SCFD2: variants seen among roughly 807,000 people sequenced by gnomAD.
SCFD2 encodes the protein sec1 family domain-containing protein 2.
In SCFD2, 54 loss-of-function variants were observed where a neutral mutation model predicts 58.9. The ratio of observed to expected loss-of-function variants is 0.92; its 90% CI spans 0.74 to 1.15. The LOEUF (loss-of-function observed/expected upper bound fraction) is 1.15. SCFD2 is among the 50% of genes most tolerant of loss of function. SCFD2 has a pLI of 0.00. For synonymous variants in SCFD2, 321 were observed against 335.9 expected (o/e 0.96, Z 0.49); for missense variants, 805 against 836.6 (o/e 0.96, Z 0.47).
intron 5 of SCFD2, among the ~76,000 whole-genome samples, chr4:52,959,715 T>A (rs1208465461): frequency 6.6e-6 from 1 of 152,152 alleles, no homozygotes; most frequent in Non-Finnish European, 1.5e-5. Context: ...TTCCGCTCAT[T>A]TAAGAGGAAT....
intron 5 of SCFD2, among the ~76,000 whole-genome samples, chr4:52,992,782 C>T (rs1721648633): frequency 6.6e-6 from 1 of 151,792 alleles, no homozygotes; most frequent in Admixed American, 6.6e-5. Context: ...GAAGCCCCCC[C>T]TCCGCCAGGC....
chr4:53,295,517 T>C (rs1731996570), intron 3 of SCFD2, among the ~76,000 whole-genome samples: 1 of 152,232 alleles, frequency 6.6e-6, no homozygotes. Flanking sequence ...AAGTTGCTTA[T>C]CTGCTTAAGA....
intron 5 of SCFD2, among the ~76,000 whole-genome samples, chr4:52,971,427 T>C (rs549358909): frequency 1.8e-4 from 27 of 151,826 alleles, no homozygotes; most frequent in African/African-American, 6.3e-4. Context: ...TGATGGAAAA[T>C]CAAATGAATG....
chr4:52,922,613 T>C (rs1028396698), intron 5 of SCFD2, among the ~76,000 whole-genome samples: 19 of 152,254 alleles, frequency 1.2e-4, no homozygotes, highest in African/African-American at 4.1e-4. Context: ...ACTTATCGGT[T>C]AATGGACATT....
intron 4 of SCFD2, among the ~76,000 whole-genome samples, chr4:53,173,884 C>T (rs773704232): frequency 1.3e-5 from 2 of 152,092 alleles, no homozygotes; most frequent in Non-Finnish European, 2.9e-5. Flanking sequence ...GACATACACA[C>T]ATCATACAGC....
chr4:52,998,912 G>C (rs538360928), intron 5 of SCFD2, among the ~76,000 whole-genome samples: 2 of 152,140 alleles, frequency 1.3e-5, no homozygotes, highest in Non-Finnish European at 2.9e-5. Flanking sequence ...CTGAGCTATA[G>C]GGTTGGAGAA....
chr4:52,903,261 A>G (rs2109466951), intron 7 of SCFD2, among the ~76,000 whole-genome samples: 1 of 152,338 alleles, frequency 6.6e-6, no homozygotes, highest in South Asian at 2.1e-4. Flanking sequence ...GTGCACATCA[A>G]TGCATGGTGG....
chr4:53,248,502 T>A (rs1247376797), intron 4 of SCFD2, among the ~76,000 whole-genome samples: 1 of 152,154 alleles, frequency 6.6e-6, no homozygotes, highest in Non-Finnish European at 1.5e-5. Flanking sequence ...AGCAGTAACC[T>A]CTGCAGACTT....
intron 5 of SCFD2, among the ~76,000 whole-genome samples, chr4:52,980,009 G>C (rs1307936081): frequency 6.6e-6 from 1 of 152,112 alleles, no homozygotes; most frequent in Non-Finnish European, 1.5e-5. Flanking sequence ...CAGGTCCAAG[G>C]GGGCACTGTG....
At chr4:52,999,986 T>C (rs766325537) in intron 5 of SCFD2, among the ~76,000 whole-genome samples, 1 of 152,204 alleles carries the variant, frequency 6.6e-6, no homozygotes, top group Non-Finnish European at 1.5e-5. Flanking sequence ...ACCTGTGTGT[T>C]CCACACAAGC....
At chr4:52,941,246 C>T (rs1170505453) in intron 5 of SCFD2, among the ~76,000 whole-genome samples, 4 of 152,192 alleles carry the variant, frequency 2.6e-5, no homozygotes, top group African/African-American at 9.7e-5. Flanking sequence ...AACAAGACAA[C>T]ATACATACCT....
chr4:53,031,909 C>T (rs1722624954), intron 5 of SCFD2, among the ~76,000 whole-genome samples: 1 of 152,086 alleles, frequency 6.6e-6, no homozygotes, highest in South Asian at 2.1e-4. Flanking sequence ...GCAAGACAGG[C>T]CAACATTCAA....
At chr4:53,082,015 G>A (rs934336339) in intron 5 of SCFD2, among the ~76,000 whole-genome samples, 4 of 152,198 alleles carry the variant, frequency 2.6e-5, no homozygotes, top group South Asian at 2.1e-4. Flanking sequence ...GTTCATCCAT[G>A]TTGTAGCATG....
intron 4 of SCFD2, among the ~76,000 whole-genome samples, chr4:53,232,280 T>C (rs1381005931): frequency 6.6e-6 from 1 of 152,180 alleles, no homozygotes. Context: ...AGGAATCTTT[T>C]GTATTCTCTA....
intron 4 of SCFD2, among the ~76,000 whole-genome samples, chr4:53,155,383 C>T (rs1962074): frequency 0.018 from 2,789 of 152,262 alleles, 92 homozygotes; most frequent in African/African-American, 0.064. Context: ...ACCTTTCCAC[C>T]TTTCTGTAAG....
At chr4:52,926,124 T>C (rs1292551202) in intron 5 of SCFD2, among the ~76,000 whole-genome samples, 1 of 152,028 alleles carries the variant, frequency 6.6e-6, no homozygotes, top group Non-Finnish European at 1.5e-5. Context: ...CAGAACAGCT[T>C]AATGATCCTT....
intron 5 of SCFD2, among the ~76,000 whole-genome samples, chr4:52,934,600 C>T (rs1459061576): frequency 6.6e-6 from 1 of 152,142 alleles, no homozygotes; most frequent in Non-Finnish European, 1.5e-5. Context: ...AAATGCACCT[C>T]CAGGGCCTTC....
intron 4 of SCFD2, among the ~76,000 whole-genome samples, chr4:53,220,544 GA>G (rs1174700704): frequency 6.6e-6 from 1 of 152,148 alleles, no homozygotes; most frequent in African/African-American, 2.4e-5. Context: ...TAAATGCAAA[GA>G]ATATTCTCAT....
chr4:53,181,590 G>A (rs1000208449), intron 4 of SCFD2, among the ~76,000 whole-genome samples: 3 of 152,000 alleles, frequency 2.0e-5, no homozygotes, highest in Non-Finnish European at 2.9e-5. Flanking sequence ...CTTTGAAAAC[G>A]GGTACAAGAC....
Sources: allele counts gnomAD v4.1 joint callset (sites outside exome capture counted in the v4.1 genomes callset), GRCh38; gene constraint gnomAD v4.1.1; transcripts MANE v1.5; gene names NCBI Gene and HGNC (gene_info 2026-07-23, HGNC 2026-07-21).